The following HDAC9 variants were observed in gnomAD, a reference collection of about 807,000 sequenced individuals.
The protein encoded by HDAC9 is histone deacetylase 9.
In HDAC9, 41 loss-of-function variants were observed where a neutral mutation model predicts 139.4. The ratio of observed to expected loss-of-function variants is 0.29; its 90% CI spans 0.23 to 0.38. The LOEUF is 0.38. HDAC9 is among the 10% of genes least tolerant of loss of function. The probability of loss-of-function intolerance (pLI) is 1.00; values close to 1 mark genes in which losing one functional copy is unlikely to be tolerated. For missense variants in HDAC9, 1,147 were observed against 1,297.0 expected, an observed-to-expected ratio of 0.88 and a Z score of 1.78; for synonymous variants, 517 against 476.2, an observed-to-expected ratio of 1.09 and a Z score of -1.12.
At chr7:18,954,963 G>T (rs1783049700) in intron 24 of HDAC9, among the ~76,000 whole-genome samples, 1 of 152,036 alleles carries the variant, frequency 6.6e-6, no homozygotes, top group African/African-American at 2.4e-5. Flanking sequence ...GATATGGGTT[G>T]ACTGGAGTTA....
At chr7:18,755,393 G>A (rs367859228) in intron 14 of HDAC9, among the ~76,000 whole-genome samples, 2 of 152,068 alleles carry the variant, frequency 1.3e-5, no homozygotes, top group African/African-American at 4.8e-5. Flanking sequence ...GTAATACAGA[G>A]CTTTTGAAAC....
chr7:18,677,468 A>G (rs898001957), intron 12 of HDAC9, among the ~76,000 whole-genome samples: 6 of 151,932 alleles, frequency 3.9e-5, no homozygotes, highest in African/African-American at 1.4e-4. Context: ...GTTTCTGTAG[A>G]AATTTATTTT....
intron 2 of HDAC9, among the ~76,000 whole-genome samples, chr7:18,170,358 C>T (rs775386996): frequency 6.7e-5 from 10 of 150,108 alleles, no homozygotes; most frequent in Middle Eastern, 3.4e-3. Context: ...ATTTGTCAGA[C>T]GGATAGATTG....
chr7:18,846,790 C>T (rs1796936467), intron 21 of HDAC9, among the ~76,000 whole-genome samples: 1 of 152,128 alleles, frequency 6.6e-6, no homozygotes, highest in African/African-American at 2.4e-5. Flanking sequence ...GTCCTCGGGC[C>T]ATTGGCTGAC....
chr7:18,165,511 G>A (rs1384552985), intron 2 of HDAC9, among the ~76,000 whole-genome samples: 4 of 152,128 alleles, frequency 2.6e-5, no homozygotes, highest in Non-Finnish European at 4.4e-5. Context: ...CACTGGCTAG[G>A]TGCAGTGGCT....
chr7:18,458,873 A>C, intron 1 of HDAC9: 1 of 1,534,906 alleles, frequency 6.5e-7, no homozygotes, highest in Non-Finnish European at 8.7e-7. Flanking sequence ...CATGGGTGCT[A>C]TTCTGTGGCT....
At chr7:18,604,848 A>G (rs1318696622) in intron 6 of HDAC9, among the ~76,000 whole-genome samples, 1 of 151,996 alleles carries the variant, frequency 6.6e-6, no homozygotes, top group Non-Finnish European at 1.5e-5. Flanking sequence ...TACTACTTTT[A>G]GTTCCTTTAA....
At chr7:18,260,150 C>T (rs148308649) in intron 2 of HDAC9, among the ~76,000 whole-genome samples, 2 of 152,094 alleles carry the variant, frequency 1.3e-5, no homozygotes, top group South Asian at 4.1e-4. Flanking sequence ...GATCTAGCAA[C>T]CTGTGCCTTT....
At chr7:18,756,866 C>G (rs1350200894) in intron 14 of HDAC9, among the ~76,000 whole-genome samples, 1 of 151,814 alleles carries the variant, frequency 6.6e-6, no homozygotes, top group Non-Finnish European at 1.5e-5. Flanking sequence ...TTCCTTCTTT[C>G]ACTCCCCAAC....
chr7:18,359,457 C>T (rs1370327931), intron 1 of HDAC9, among the ~76,000 whole-genome samples: 1 of 152,216 alleles, frequency 6.6e-6, no homozygotes, highest in Non-Finnish European at 1.5e-5. Context: ...TTCCACTAAC[C>T]TGCTTTTCCT....
chr7:18,927,185 G>GA (rs544571067), intron 22 of HDAC9, among the ~76,000 whole-genome samples: 50 of 152,232 alleles, frequency 3.3e-4, no homozygotes, highest in Admixed American at 1.3e-4. Flanking sequence ...GGCTACAGAT[G>GA]AAAGGACTTT....
chr7:18,671,882 A>G (rs801526), intron 12 of HDAC9, among the ~76,000 whole-genome samples: 3,965 of 152,136 alleles, frequency 0.026, 196 homozygotes, highest in African/African-American at 0.091. Context: ...GTTCATCCAC[A>G]GCATCAGTAC....
intron 2 of HDAC9, among the ~76,000 whole-genome samples, chr7:18,206,363 T>A (rs938003271): frequency 7.2e-5 from 11 of 152,230 alleles, no homozygotes; most frequent in Non-Finnish European, 1.6e-4. Context: ...GAATAAAGTT[T>A]ATTTCATTAT....
intron 22 of HDAC9, among the ~76,000 whole-genome samples, chr7:18,889,209 A>T (rs1317134388): frequency 8.5e-5 from 13 of 152,098 alleles, no homozygotes; most frequent in Non-Finnish European, 1.9e-4. Flanking sequence ...GCATGAAAAG[A>T]TCCTATTCAA....
intron 2 of HDAC9, among the ~76,000 whole-genome samples, chr7:18,556,338 T>A (rs992650442): frequency 1.3e-5 from 2 of 152,094 alleles, no homozygotes; most frequent in Admixed American, 6.5e-5. Context: ...TATTAAATCA[T>A]TTATTCATTC....
chr7:18,966,884 A>G (rs1224849821), intron 24 of HDAC9, among the ~76,000 whole-genome samples: 1 of 152,220 alleles, frequency 6.6e-6, no homozygotes, highest in African/African-American at 2.4e-5. Flanking sequence ...CACTATGTGT[A>G]TATTTGTTTT....
intron 11 of HDAC9, 77 bp from the exon 12 acceptor site, chr7:18,666,136 A>G: frequency 7.1e-7 from 1 of 1,409,942 alleles, no homozygotes; most frequent in South Asian, 1.4e-5. Flanking sequence ...ATGAGTTATT[A>G]GAAATCAAAG....
At chr7:18,857,515 T>C (rs1363504007) in intron 21 of HDAC9, among the ~76,000 whole-genome samples, 1 of 152,152 alleles carries the variant, frequency 6.6e-6, no homozygotes, top group African/African-American at 2.4e-5. Context: ...AATAAGTTCA[T>C]TTTCTATGTC....
intron 21 of HDAC9, among the ~76,000 whole-genome samples, chr7:18,864,043 C>G (rs1184595316): frequency 1.3e-5 from 2 of 152,170 alleles, no homozygotes; most frequent in Non-Finnish European, 2.9e-5. Flanking sequence ...TTTAAGGAAG[C>G]TTGCACTGTT....
Sources: gnomAD v4.1 joint callset for allele counts (sites outside exome capture counted in the v4.1 genomes callset) on GRCh38, gnomAD v4.1.1 for gene constraint, MANE v1.5 for transcripts, NCBI Gene and HGNC (gene_info 2026-07-23, HGNC 2026-07-21) for gene names.